The following CDK5RAP2 variants were observed in gnomAD, a reference collection of about 807,000 sequenced individuals.
The protein encoded by CDK5RAP2 is CDK5 regulatory subunit associated protein 2.
Under a neutral mutation model 232.9 loss-of-function variants are expected in CDK5RAP2, and 147 were observed. The observed-to-expected ratio is 0.63, with a 90% CI of 0.55 to 0.72. The LOEUF is 0.72. Ranked by LOEUF, CDK5RAP2 falls within the 30% of genes least tolerant of loss-of-function variation. CDK5RAP2 has a pLI of 0.00. For missense variants in CDK5RAP2, 2,195 were observed against 2,231.5 expected (o/e 0.98, Z 0.33); for synonymous variants, 833 against 833.7 (o/e 1.00, Z 0.01).
At chr9:120,492,280 T>A (rs1476932966) in intron 12 of CDK5RAP2, among the ~76,000 whole-genome samples, 2 of 152,202 alleles carry the variant, frequency 1.3e-5, no homozygotes, top group Non-Finnish European at 2.9e-5. Context: ...GAATGAGGAC[T>A]CTTTCTCTCT....
intron 20 of CDK5RAP2, among the ~76,000 whole-genome samples, chr9:120,455,449 G>C (rs1398519404): frequency 6.6e-6 from 1 of 151,598 alleles, no homozygotes; most frequent in Non-Finnish European, 1.5e-5. Flanking sequence ...GCTTCAGAAA[G>C]GTGACTCCAG....
At chr9:120,415,959 T>C (rs892585656) in intron 27 of CDK5RAP2, among the ~76,000 whole-genome samples, 1 of 152,174 alleles carries the variant, frequency 6.6e-6, no homozygotes, top group Non-Finnish European at 1.5e-5. Flanking sequence ...AATTATGTTA[T>C]GAAGACTATA....
At chr9:120,406,975 T>C (rs2033487654) in intron 32 of CDK5RAP2, 37 bp downstream of exon 32, 4 of 1,447,958 alleles carry the variant, frequency 2.8e-6, no homozygotes, top group Non-Finnish European at 2.9e-6. Flanking sequence ...TGCTCAGAGC[T>C]GCATTCTCAG....
intron 14 of CDK5RAP2, among the ~76,000 whole-genome samples, chr9:120,480,771 C>A (rs575061892): frequency 1.5e-4 from 23 of 152,254 alleles, no homozygotes; most frequent in African/African-American, 5.5e-4. Context: ...CCAATCCTGA[C>A]AAAACAAGGC....
intron 3 of CDK5RAP2, among the ~76,000 whole-genome samples, chr9:120,565,784 G>A (rs981714272): frequency 5.3e-5 from 8 of 152,062 alleles, no homozygotes; most frequent in African/African-American, 1.2e-4. Context: ...TCTGAACCCC[G>A]AGTCATAGCC....
At chr9:120,441,910 C>G (rs1004836978) in intron 23 of CDK5RAP2, among the ~76,000 whole-genome samples, 1 of 152,178 alleles carries the variant, frequency 6.6e-6, no homozygotes, top group Non-Finnish European at 1.5e-5. Flanking sequence ...AGAGAATGTA[C>G]TCACCAAGTA....
chr9:120,512,646 G>A (rs927892310), intron 12 of CDK5RAP2, among the ~76,000 whole-genome samples: 7 of 152,092 alleles, frequency 4.6e-5, no homozygotes, highest in South Asian at 2.1e-4. Flanking sequence ...AATTACTGAC[G>A]GTTTGGCATA....
intron 29 of CDK5RAP2, among the ~76,000 whole-genome samples, chr9:120,410,802 T>C (rs2033800336): frequency 1.3e-5 from 2 of 152,198 alleles, no homozygotes; most frequent in South Asian, 2.1e-4. Context: ...AGGCCTCAGT[T>C]TCTCACCTGT....
chr9:120,510,936 A>C (rs1029048486), intron 12 of CDK5RAP2, among the ~76,000 whole-genome samples: 1 of 152,246 alleles, frequency 6.6e-6, no homozygotes, highest in African/African-American at 2.4e-5. Flanking sequence ...TATCATTACA[A>C]GTACTCAATA....
chr9:120,469,496 T>A (rs1388882469), intron 17 of CDK5RAP2, among the ~76,000 whole-genome samples: 1 of 152,236 alleles, frequency 6.6e-6, no homozygotes, highest in Non-Finnish European at 1.5e-5. Flanking sequence ...GATAATTTTA[T>A]AATAAACTAT....
At chr9:120,530,781 C>T (rs2041113943) in intron 7 of CDK5RAP2, among the ~76,000 whole-genome samples, 1 of 146,724 alleles carries the variant, frequency 6.8e-6, no homozygotes, top group Non-Finnish European at 1.5e-5. Flanking sequence ...ACTGCGTGTT[C>T]TCACTCATAG....
intron 3 of CDK5RAP2, among the ~76,000 whole-genome samples, chr9:120,566,290 A>G (rs554017418): frequency 6.6e-6 from 1 of 152,338 alleles, no homozygotes; most frequent in Admixed American, 6.5e-5. Flanking sequence ...AGACATCAAG[A>G]ACAGTGTGGC....
At chr9:120,440,283 G>GT in intron 23 of CDK5RAP2, 1 of 395,060 alleles carries the variant, frequency 2.5e-6, no homozygotes, top group Admixed American at 3.7e-5. Flanking sequence ...GACATTCCCA[G>GT]TATCTACATG....
chr9:120,519,070 GA>G (rs564603430), intron 11 of CDK5RAP2, among the ~76,000 whole-genome samples: 8 of 151,822 alleles, frequency 5.3e-5, no homozygotes, highest in Non-Finnish European at 1.2e-4. Flanking sequence ...AGCTACTCGG[GA>G]AGGCTGAGGC....
At chr9:120,404,655 A>AGAG (rs1309996860) in intron 32 of CDK5RAP2, among the ~76,000 whole-genome samples, 3 of 152,200 alleles carry the variant, frequency 2.0e-5, no homozygotes, top group Non-Finnish European at 4.4e-5. Flanking sequence ...GCCAGAACCA[A>AGAG]GAGGACTGAG....
chr9:120,521,337 T>C (rs1049513177), intron 11 of CDK5RAP2, among the ~76,000 whole-genome samples: 1 of 152,100 alleles, frequency 6.6e-6, no homozygotes, highest in Non-Finnish European at 1.5e-5. Context: ...AAGGTTACAG[T>C]TAGTGATATG....
Position 120,518,478 on chromosome 9 carries a change from C to G in CDK5RAP2, c.1260G>C (p.Lys420Asn). 1 of 1,613,822 alleles carries G rather than the reference C, an allele frequency of 6.2e-7. No homozygotes were observed. The highest frequency in any genetic ancestry group is 8.5e-7 in the Non-Finnish European group (1 of 1,179,996). ...DLQQERERLE[K>N]DLEEAHREKS... ...TCTCTCGATGGGCTTCCTCCAGGTC[C>G]TTCTCCAGTCTCTCCCTCTCCTGCT... The change falls in exon 12 of 38, where the codon AAG becomes AAC. Residue 420 changes from lysine to asparagine, a missense_variant. Lys to Asn is a moderately conservative substitution (Grantham distance 94). Transcript: ENST00000349780.
intron 20 of CDK5RAP2, among the ~76,000 whole-genome samples, chr9:120,455,019 T>TGGGGCCGGGCGC (rs2036679648): frequency 6.6e-6 from 1 of 152,220 alleles, no homozygotes; most frequent in Non-Finnish European, 1.5e-5. Context: ...ACACCTGGAA[T>TGGGGCCGGGCGC]GGTGCTCGGG....
chr9:120,570,410 G>A (rs1039376948), intron 2 of CDK5RAP2, among the ~76,000 whole-genome samples: 4 of 152,114 alleles, frequency 2.6e-5, no homozygotes, highest in African/African-American at 9.7e-5. Context: ...ATACATCTTT[G>A]CTCCTGACAC....
Sources: gnomAD v4.1 joint callset for allele counts (sites outside exome capture counted in the v4.1 genomes callset) on GRCh38, gnomAD v4.1.1 for gene constraint, MANE v1.5 for transcripts, NCBI Gene and HGNC (gene_info 2026-07-23, HGNC 2026-07-21) for gene names.